The following LIN7B variants were observed in gnomAD, a reference collection of about 807,000 sequenced individuals.
The protein encoded by LIN7B is lin-7 cell polarity scaffold B, also known as protein lin-7 homolog B.
Under a neutral mutation model 27.9 loss-of-function variants are expected in LIN7B, and 16 were observed. The ratio of observed to expected loss-of-function variants is 0.57; its 90% CI spans 0.39 to 0.87. The LOEUF (loss-of-function observed/expected upper bound fraction) is 0.87, where lower values mean the gene tolerates loss of function less well. Among genes scored for constraint, LIN7B ranks in the 40% least tolerant of loss-of-function variants. The probability of loss-of-function intolerance (pLI) is 0.00; values close to 1 mark genes in which losing one functional copy is unlikely to be tolerated. For missense variants in LIN7B, 291 were observed against 288.5 expected (o/e 1.01, Z -0.06); for synonymous variants, 147 against 120.8 (o/e 1.22, Z -1.42).
At position 49,115,317 on chromosome 19, in the gene LIN7B, C is replaced by T. The variant is rs563257272; in HGVS notation, c.214C>T (p.His72Tyr). The T allele has an allele frequency of 7.6e-6, 12 of 1,572,954 alleles. No homozygotes were observed. The African/African-American group carries it at 1.2e-4, about 16-fold the overall frequency. The change falls in exon 3 of 6, where the codon CAT (histidine) becomes TAT (tyrosine). Residue 72 changes from histidine to tyrosine, a missense_variant. Physicochemically the swap from His to Tyr is moderately conservative, Grantham distance 83. Transcript: ENST00000221459. ...CACCGGCAGCGCCGAGATCCGAGCC[C>T]ATGCCACAGCCAAGGTGGGCCCCGC... ...DITGSAEIRA[H>Y]ATAKATVAAF...
intron 1 of LIN7B, 135 bp downstream of exon 1, chr19:49,114,576 G>T (rs1453205206): frequency 2.9e-6 from 2 of 680,562 alleles, no homozygotes; most frequent in African/African-American, 3.7e-5. Flanking sequence ...CGGGCGCCGG[G>T]GCCGGGCGGT....
chr19:49,114,540 A>C lies in LIN7B; in HGVS notation c.37+99A>C, dbSNP rs893153376. On this transcript the variant is annotated intron_variant, in intron 1 of 5. Coordinates refer to ENST00000221459, the MANE Select transcript of LIN7B (RefSeq NM_022165.3). ...CGGGTCAGGCCAGTGCGGGTGGGCC[A>C]GCGGACCCGGAGGGGGTGGGCGGGG... 7.3e-6 allele frequency: 7 copies of C among 963,488 alleles called. No homozygotes were observed. The African/African-American group carries it at 8.6e-5, about 12-fold the overall frequency. The allele number at this position is 963,488 out of a possible 1,614,324, so 59.7% of individuals were successfully genotyped here. A position where few individuals can be genotyped will look rare whatever the true frequency, so the allele number is the denominator to read the frequency against.
At chr19:49,118,268 C>T in intron 5 of LIN7B, 84 bp from the exon 6 acceptor site, 1 of 1,502,438 alleles carries the variant, frequency 6.7e-7, no homozygotes, top group Non-Finnish European at 9.3e-7. Flanking sequence ...TTACCTGGGC[C>T]CTTGCCTCTG....
intron 4 of LIN7B, among the ~76,000 whole-genome samples, 163 bp downstream of exon 4, chr19:49,116,635 A>C (rs561260017): frequency 6.6e-6 from 1 of 152,260 alleles, no homozygotes; most frequent in African/African-American, 2.4e-5. Flanking sequence ...AGCTCCCTAC[A>C]CTCAACCTTC....
intron 4 of LIN7B, 108 bp from the exon 5 acceptor site, chr19:49,117,747 A>C: frequency 2.2e-6 from 2 of 925,874 alleles, no homozygotes; most frequent in Non-Finnish European, 3.4e-6. Flanking sequence ...TGAGGCATTG[A>C]CATCTCAGGG....
intron 1 of LIN7B, 80 bp from the exon 2 acceptor site, chr19:49,114,769 C>T (rs2040796392): frequency 3.6e-6 from 3 of 822,316 alleles, no homozygotes; most frequent in East Asian, 3.3e-5. Context: ...CGCTCGGCCT[C>T]ACTCCGCCGC....
At chr19:49,116,563 T>C (rs1288435105) in intron 4 of LIN7B, 91 bp downstream of exon 4, 1 of 1,219,094 alleles carries the variant, frequency 8.2e-7, no homozygotes, top group Middle Eastern at 2.5e-4. Context: ...ACACACTGAG[T>C]GTTGTCTGTA....
intron 4 of LIN7B, among the ~76,000 whole-genome samples, chr19:49,117,278 G>A (rs1372889628): frequency 6.6e-6 from 1 of 150,710 alleles, no homozygotes; most frequent in African/African-American, 2.4e-5. Context: ...ACTCACTGTG[G>A]TTAGAGTTGA....
rs769143661 is a variant in LIN7B, at chr19:49,117,904, C to T, written c.488C>T (p.Ala163Val). 2 of 1,613,824 alleles carry T rather than the reference C, an allele frequency of 1.2e-6. No individual in the cohort carries two copies. Among genetic ancestry groups the T allele is most frequent in the African/African-American group, 2.7e-5 (2 of 74,900 alleles). The stretch of plus-strand genomic sequence containing the variant: ...AAGGCGGTGGAGCTGCTGAAGGCGG[C>T]CCAGGGCTCGGTGAAGCTGGTTGTC... ...HEKAVELLKA[A>V]QGSVKLVVRY... The change falls in exon 5 of 6, where the codon GCC (alanine) becomes GTC (valine). Residue 163 changes from alanine (A) to valine (V), a missense_variant. Coordinates refer to ENST00000221459, the MANE Select transcript of LIN7B (RefSeq NM_022165.3).
chr19:49,114,955 C>A lies in LIN7B; in HGVS notation c.144C>A (p.Ser48=), dbSNP rs62127931. The A allele has an allele frequency of 1.4e-6, 2 of 1,428,756 alleles. No homozygotes were observed. Among genetic ancestry groups the A allele is most frequent in the East Asian group, 5.6e-5 (2 of 35,778 alleles). 88.5% of individuals were successfully genotyped at this position (1,428,756 alleles called of 1,614,324 possible). A position where few individuals can be genotyped will look rare whatever the true frequency, so the allele number is the denominator to read the frequency against. Residue 48 remains serine, a synonymous_variant, in exon 2 of 6, where the codon TCC becomes TCA. Transcript: ENST00000221459. ...LQRVLQSRFC[S]AIREVYEQLY... ...GAGTTCTGCAGAGCCGCTTCTGCTCCGCTATCCGAGAGGTGAGGGGCGCGC... is the reference window on the plus strand; with the variant it reads ...GAGTTCTGCAGAGCCGCTTCTGCTCAGCTATCCGAGAGGTGAGGGGCGCGC...
chr19:49,117,899 G>C lies in LIN7B; in HGVS notation c.483G>C (p.Lys161Asn). ...EQHEKAVELL[K>N]AAQGSVKLVV... ...ATGAGAAGGCGGTGGAGCTGCTGAAGGCGGCCCAGGGCTCGGTGAAGCTGG... is the reference window on the plus strand; with the variant it reads ...ATGAGAAGGCGGTGGAGCTGCTGAACGCGGCCCAGGGCTCGGTGAAGCTGG... Residue 161 changes from lysine to asparagine, a missense_variant, in exon 5 of 6, where the codon AAG (lysine) becomes AAC (asparagine). Transcript: ENST00000221459. 6.2e-7 allele frequency: 1 copy of C among 1,614,104 alleles called. No individual in the cohort carries two copies. The highest frequency in any genetic ancestry group is 8.5e-7 in the Non-Finnish European group (1 of 1,180,002).
Position 49,118,339 on chromosome 19 carries a change from A to T in LIN7B, c.603-13A>T, listed in dbSNP as rs1432158650. On this transcript the variant is annotated splice_polypyrimidine_tract_variant and intron_variant, in intron 5 of 5. Coordinates refer to ENST00000221459, the MANE Select transcript of LIN7B (RefSeq NM_022165.3). ...CTCCCTGATCCCGGGTCCCTTGTCC[A>T]CCCCCCTTGCAGGTCCTTGGAGTCT... 6.2e-7 allele frequency: 1 copy of T among 1,612,428 alleles called. No homozygotes were observed. Among genetic ancestry groups the T allele is most frequent in the Admixed American group, 1.7e-5 (1 of 59,858 alleles).
intron 4 of LIN7B, 78 bp downstream of exon 4, chr19:49,116,550 A>G (rs1568428307): frequency 7.7e-7 from 1 of 1,296,480 alleles, no homozygotes; most frequent in African/African-American, 1.5e-5. Flanking sequence ...ACATTCACTC[A>G]ACACACACTG....
At chr19:49,117,229 G>A (rs2040840381) in intron 4 of LIN7B, among the ~76,000 whole-genome samples, 1 of 132,614 alleles carries the variant, frequency 7.5e-6, no homozygotes, top group Admixed American at 8.4e-5. Context: ...GTGGGTGACA[G>A]AGTGAGACTC....
intron 4 of LIN7B, 24 bp from the exon 5 acceptor site, chr19:49,117,831 A>T (rs762174846): frequency 6.2e-7 from 1 of 1,605,582 alleles, no homozygotes. Flanking sequence ...CCCCAGGCTC[A>T]GCTGTCTGTG....
At chr19:49,115,398 A>C (rs2040809495) in intron 3 of LIN7B, 67 bp downstream of exon 3, 3 of 1,341,590 alleles carry the variant, frequency 2.2e-6, no homozygotes, top group Non-Finnish European at 3.1e-6. Context: ...TATCTCCTTC[A>C]TGCCAGTCAT....
chr19:49,116,311 G>T lies in LIN7B; in HGVS notation c.277G>T (p.Val93Leu). ...TASEGHAHPRVVELPKTDEGL... is the reference protein window; with the variant it reads ...TASEGHAHPRLVELPKTDEGL... ...CAGCGAGGGCCACGCACATCCCAGGGTAGTGGAGCTACCCAAGACGGATGA... is the reference window on the plus strand; with the variant it reads ...CAGCGAGGGCCACGCACATCCCAGGTTAGTGGAGCTACCCAAGACGGATGA... Residue 93 changes from valine (V) to leucine (L), a missense_variant, in exon 4 of 6, where the codon GTA (valine) becomes TTA (leucine). By Grantham distance (32) the Val-to-Leu change is conservative. Coordinates refer to ENST00000221459, the MANE Select transcript of LIN7B (RefSeq NM_022165.3). 6.2e-7 allele frequency: 1 copy of T among 1,614,192 alleles called. No individual in the cohort carries two copies. Among genetic ancestry groups the T allele is most frequent in the Admixed American group, 1.7e-5 (1 of 60,018 alleles).
chr19:49,118,179 G>T, intron 5 of LIN7B, 161 bp downstream of exon 5: 1 of 1,366,036 alleles, frequency 7.3e-7, no homozygotes. Context: ...GGCTAGTTTG[G>T]CCAAATCCCC....
At chr19:49,116,228 G>C (rs969346614) in intron 3 of LIN7B, 35 bp from the exon 4 acceptor site, 16 of 1,585,452 alleles carry the variant, frequency 1.0e-5, no homozygotes, top group African/African-American at 2.7e-5. Flanking sequence ...CTACCTGGAA[G>C]GGGCCCTCAT....
Sources: gnomAD v4.1 joint callset for allele counts (sites outside exome capture counted in the v4.1 genomes callset) on GRCh38, gnomAD v4.1.1 for gene constraint, MANE v1.5 for transcripts, NCBI Gene and HGNC (gene_info 2026-07-23, HGNC 2026-07-21) for gene names.